The following HROB variants were observed in gnomAD, a reference collection of about 807,000 sequenced individuals.
The protein encoded by HROB is homologous recombination factor with OB-fold.
Under a neutral mutation model 61.0 loss-of-function variants are expected in HROB, and 44 were observed. That is an observed-to-expected ratio of 0.72 (90% CI 0.57 to 0.93). The LOEUF (loss-of-function observed/expected upper bound fraction) is 0.93, where lower values mean the gene tolerates loss of function less well. Among genes scored for constraint, HROB ranks in the 40% least tolerant of loss-of-function variants. The probability of loss-of-function intolerance (pLI) is 0.00; values close to 1 mark genes in which losing one functional copy is unlikely to be tolerated. For missense variants in HROB, 716 were observed against 796.2 expected (o/e 0.90, Z 1.21); for synonymous variants, 301 against 310.4 (o/e 0.97, Z 0.32).
At chr17:44,157,711 G>T (rs931273538) in intron 8 of HROB, 122 bp from the exon 9 acceptor site, 45 of 620,706 alleles carry the variant, frequency 7.2e-5, no homozygotes, top group Non-Finnish European at 3.8e-5. Context: ...CACCACACCT[G>T]GCCCCATCAT....
Position 44,148,991 on chromosome 17 carries a change from C to A in HROB, c.1188C>A (p.Arg396=). The change falls in exon 3 of 10, where the codon CGC becomes CGA. Residue 396 remains arginine (R), a synonymous_variant. Coordinates refer to ENST00000585683, the MANE Select transcript of HROB (RefSeq NM_001171251.3). ...PTHPSTRAKT[R]RFPGPAGILP... ...ATCCCTCCACCCGAGCCAAAACTCG[C>A]CGTTTCCCTGGCCCAGCTGGGATCC... is the stretch of plus-strand genomic sequence containing the variant. The A allele has an allele frequency of 6.2e-7, 1 of 1,614,006 alleles. No homozygotes were observed. Among genetic ancestry groups the A allele is most frequent in the African/African-American group, 1.3e-5 (1 of 75,048 alleles).
chr17:44,142,342 C>T (rs1480332499), intron 1 of HROB, among the ~76,000 whole-genome samples, 197 bp downstream of exon 1: 4 of 152,286 alleles, frequency 2.6e-5, no homozygotes, highest in South Asian at 4.1e-4. Context: ...GCATTCTCCT[C>T]CCCCGGGCCT....
rs1188934945 is a variant in HROB at position 44,154,586 on chromosome 17, G to A, written c.1480G>A (p.Val494Ile). ...CCTGAAGCAGCTTCCTAGGAACAAG[G>A]TCCCCAACATGGCGGTGATGATCAA... ...AALKQLPRNK[V>I]PNMAVMIKSL... Residue 494 changes from valine (V) to isoleucine (I), a missense_variant, in exon 6 of 10, where the codon GTC becomes ATC. Coordinates refer to ENST00000585683, the MANE Select transcript of HROB (RefSeq NM_001171251.3). The A allele has an allele frequency of 1.2e-6, 2 of 1,614,112 alleles. No homozygotes were observed. The highest frequency in any genetic ancestry group is 1.7e-6 in the Non-Finnish European group (2 of 1,180,024).
chr17:44,155,464 A>G (rs1381942324), intron 8 of HROB, 53 bp downstream of exon 8: 4 of 1,601,550 alleles, frequency 2.5e-6, no homozygotes, highest in Admixed American at 3.4e-5. Flanking sequence ...TTCTGCCTGG[A>G]TCTTCTGATT....
At chr17:44,142,361 C>T (rs1448161042) in intron 1 of HROB, among the ~76,000 whole-genome samples, 1 of 152,184 alleles carries the variant, frequency 6.6e-6, no homozygotes, top group African/African-American at 2.4e-5. Context: ...CTCAGTTTCC[C>T]TCCTGTTGCC....
rs142140033 is a variant in HROB, at chr17:44,157,923, G to C, written c.1861G>C (p.Glu621Gln). 4.6e-4 allele frequency: 742 copies of C among 1,613,232 alleles called. No homozygotes were observed. Among genetic ancestry groups the C allele is most frequent in the Non-Finnish European group, 4.9e-4 (574 of 1,179,550 alleles). ...QNLEAEASPE[E>Q]ELPEADDLDG... Reference sequence around the variant, plus strand: ...CCTAGAGGCAGAGGCGTCCCCTGAGGAAGAACTCCCAGAAGCAGGTAAAGC... The same window carrying C: ...CCTAGAGGCAGAGGCGTCCCCTGAGCAAGAACTCCCAGAAGCAGGTAAAGC... Residue 621 changes from glutamate (E) to glutamine (Q), a missense_variant, in exon 9 of 10, where the codon GAA becomes CAA. Transcript: ENST00000585683.
intron 3 of HROB, among the ~76,000 whole-genome samples, 185 bp from the exon 4 acceptor site, chr17:44,150,776 C>G (rs898885777): frequency 2.0e-5 from 3 of 152,212 alleles, no homozygotes; most frequent in African/African-American, 7.2e-5. Flanking sequence ...CGTTTTCAAA[C>G]CAATCCCCAA....
chr17:44,144,507 C>G (rs1304510426), intron 1 of HROB, among the ~76,000 whole-genome samples: 1 of 152,064 alleles, frequency 6.6e-6, no homozygotes, highest in Non-Finnish European at 1.5e-5. Context: ...AACTCCTGAC[C>G]TCAGGTGATT....
At chr17:44,144,916 A>G (rs2053568039) in intron 1 of HROB, among the ~76,000 whole-genome samples, 1 of 149,518 alleles carries the variant, frequency 6.7e-6, no homozygotes, top group African/African-American at 2.5e-5. Context: ...AGGTTTCTCC[A>G]TGTTGGCCAG....
At chr17:44,159,659 C>A (rs1045632010) in intron 9 of HROB, among the ~76,000 whole-genome samples, 2 of 152,220 alleles carry the variant, frequency 1.3e-5, no homozygotes, top group Admixed American at 1.3e-4. Context: ...TTGATAAAGT[C>A]AAGCAAGTCA....
rs2143898781 is a variant in HROB at position 44,148,040 on chromosome 17, C to T, written c.237C>T (p.Leu79=). The T allele has an allele frequency of 1.2e-6, 2 of 1,614,098 alleles. 1 individual carries two copies. The highest frequency in any genetic ancestry group is 2.2e-5 in the South Asian group (2 of 91,088). Residue 79 remains leucine, a synonymous_variant, in exon 3 of 10, where the codon CTC becomes CTT. Transcript: ENST00000585683. The part of the protein sequence containing the change: ...SEALGLPDLD[L]CLPASSTPSA... ...CTTTGGGCCTGCCAGACTTGGACCT[C>T]TGCCTCCCTGCCTCCAGCACGCCCA...
rs1381942324 is a variant in HROB, at chr17:44,155,464, A to T, written c.1770+53A>T. The T allele has an allele frequency of 2.5e-6, 4 of 1,601,668 alleles. No homozygotes were observed. The East Asian group carries it at 8.9e-5, about 36-fold the overall frequency. On this transcript the variant is annotated intron_variant, in intron 8 of 9. Coordinates refer to ENST00000585683, the MANE Select transcript of HROB (RefSeq NM_001171251.3). ...CTGGTAAGGCCCTCCTTCTGCCTGG[A>T]TCTTCTGATTTCTTCCTCTCTTCCA... is the stretch of plus-strand genomic sequence containing the variant.
At chr17:44,157,162 A>G (rs533245601) in intron 8 of HROB, among the ~76,000 whole-genome samples, 9 of 152,288 alleles carry the variant, frequency 5.9e-5, no homozygotes, top group South Asian at 2.1e-4. Context: ...ATTGTTAACA[A>G]CTAATTTTAA....
intron 1 of HROB, among the ~76,000 whole-genome samples, chr17:44,142,466 CTT>C (rs1156855939): frequency 1.6e-4 from 22 of 137,832 alleles, no homozygotes; most frequent in Admixed American, 2.9e-4. Context: ...ACACTTTCTA[CTT>C]TTTTTTTTTT....
At chr17:44,153,622 G>A (rs1156563198) in intron 5 of HROB, among the ~76,000 whole-genome samples, 2 of 152,168 alleles carry the variant, frequency 1.3e-5, no homozygotes, top group Non-Finnish European at 2.9e-5. Flanking sequence ...GCACATGCCT[G>A]TAATTCTAGC....
rs773502385 is a variant in HROB, at chr17:44,151,019, G to T, written c.1283G>T (p.Gly428Val). ...MVSAPQTPTHGALAKFQTEIV... is the reference protein window; with the variant it reads ...MVSAPQTPTHVALAKFQTEIV... The stretch of plus-strand genomic sequence containing the variant: ...TCCGCGCCCCAAACTCCAACCCATG[G>T]TGCTCTGGCTAAATTCCAGACAGAG... The change falls in exon 4 of 10, where the codon GGT becomes GTT. Residue 428 changes from glycine (G) to valine (V), a missense_variant. Gly to Val is a moderately radical substitution (Grantham distance 109). Coordinates refer to ENST00000585683, the MANE Select transcript of HROB (RefSeq NM_001171251.3). The T allele has an allele frequency of 1.2e-5, 19 of 1,613,114 alleles. No individual in the cohort carries two copies. Among genetic ancestry groups the T allele is most frequent in the Admixed American group, 6.7e-5 (4 of 59,986 alleles).
chr17:44,155,067 T>G lies in HROB; in HGVS notation c.1644+129T>G, dbSNP rs866751184. ...GGCTGAACCATTGCTAGGCCCTGGC[T>G]TGAGCTCAGGGAAGGCCTGTGGCCC... On this transcript the variant is annotated intron_variant, in intron 7 of 9. Coordinates refer to ENST00000585683, the MANE Select transcript of HROB (RefSeq NM_001171251.3). The G allele has an allele frequency of 3.1e-5, 42 of 1,337,602 alleles. No homozygotes were observed. In the Middle Eastern group the frequency reaches 2.2e-3, roughly 68 times the overall value. The allele number at this position is 1,337,602 out of a possible 1,614,324, so 82.9% of individuals were successfully genotyped here. A position where few individuals can be genotyped will look rare whatever the true frequency, so the allele number is the denominator to read the frequency against.
chr17:44,157,666 C>T (rs555366682), intron 8 of HROB, among the ~76,000 whole-genome samples, 167 bp from the exon 9 acceptor site: 26 of 152,126 alleles, frequency 1.7e-4, no homozygotes, highest in African/African-American at 6.3e-4. Context: ...TCACCCGCCT[C>T]GGCCTCCCAA....
At chr17:44,147,638 G>A in intron 2 of HROB, 5 of 474,750 alleles carry the variant, frequency 1.1e-5, no homozygotes, top group East Asian at 3.6e-5. Context: ...GTTTCGCCAC[G>A]TTGGCCAGGC....
Sources: allele counts gnomAD v4.1 joint callset (sites outside exome capture counted in the v4.1 genomes callset), GRCh38; gene constraint gnomAD v4.1.1; transcripts MANE v1.5; gene names NCBI Gene and HGNC (gene_info 2026-07-23, HGNC 2026-07-21).